SETDB2: variants seen among roughly 807,000 people sequenced by gnomAD.
SETDB2 encodes the protein histone-lysine N-methyltransferase SETDB2.
A neutral mutation model predicts 82.5 loss-of-function variants in SETDB2; 56 were observed. That is an observed-to-expected ratio of 0.68 (90% confidence interval 0.55 to 0.85). SETDB2 has a LOEUF of 0.85. SETDB2 is among the 40% of genes least tolerant of loss of function. The pLI, the probability that SETDB2 is intolerant of heterozygous loss-of-function variation, is 0.00. For synonymous variants in SETDB2, 272 were observed against 284.9 expected (o/e 0.95, Z 0.46); for missense variants, 677 against 816.4 (o/e 0.83, Z 2.08).
intron 5 of SETDB2, among the ~76,000 whole-genome samples, chr13:49,476,223 C>A (rs866873039): frequency 6.6e-6 from 1 of 152,138 alleles, no homozygotes; most frequent in Non-Finnish European, 1.5e-5. Flanking sequence ...GAGTTCAAGG[C>A]TGCTCTGTGC....
intron 2 of SETDB2, among the ~76,000 whole-genome samples, chr13:49,452,418 A>G (rs184054534): frequency 1.2e-4 from 18 of 152,276 alleles, no homozygotes; most frequent in Admixed American, 7.8e-4. Context: ...TAGGTGAGCC[A>G]CTGCACCTGG....
At chr13:49,457,578 C>T (rs551453212) in intron 2 of SETDB2, among the ~76,000 whole-genome samples, 6 of 151,986 alleles carry the variant, frequency 3.9e-5, no homozygotes, top group African/African-American at 7.2e-5. Context: ...GGACCACATG[C>T]GTGTGCCACC....
intron 10 of SETDB2, among the ~76,000 whole-genome samples, chr13:49,484,555 C>T (rs934889246): frequency 6.6e-5 from 10 of 152,162 alleles, no homozygotes; most frequent in African/African-American, 2.4e-4. Flanking sequence ...GAGGCGTGAG[C>T]CACTGCGCCT....
At chr13:49,482,013 G>A in intron 8 of SETDB2, 1 of 973,342 alleles carries the variant, frequency 1.0e-6, no homozygotes, top group East Asian at 1.1e-4. Context: ...ATGGATCCCT[G>A]CCACTCCCCA....
chr13:49,450,013 G>T (rs1340159744), intron 1 of SETDB2, among the ~76,000 whole-genome samples: 1 of 152,052 alleles, frequency 6.6e-6, no homozygotes. Context: ...TACTGACTTT[G>T]CTTTAACATT....
At chr13:49,485,281 T>C (rs1188197602) in intron 10 of SETDB2, among the ~76,000 whole-genome samples, 1 of 152,242 alleles carries the variant, frequency 6.6e-6, no homozygotes, top group Non-Finnish European at 1.5e-5. Context: ...TTACACAACT[T>C]ACAGTTGAAG....
In SETDB2 at chr13:49,470,966, C is replaced by CTTTCTTTCT. The variant is rs10695231; in HGVS notation, c.305+3009_305+3010insCTTTCTTTT. On this transcript the variant is annotated intron_variant, in intron 5 of 13. Coordinates refer to ENST00000611815, the MANE Select transcript of SETDB2 (RefSeq NM_001160308.3). ...GTTTTTTTGTTTTCTTTCTTTCTTTCTTTTTTTTTTTTTTTTTTGAGACAG... is the reference window on the plus strand; with the variant it reads ...GTTTTTTTGTTTTCTTTCTTTCTTTCTTTCTTTCTTTTTTTTTTTTTTTTTTTGAGACAG... Among the ~76,000 whole-genome samples the CTTTCTTTCT allele has an allele frequency of 5.2e-3, 421 of 80,484 alleles. 1 individual carries two copies. Among genetic ancestry groups the CTTTCTTTCT allele is most frequent in the Non-Finnish European group, 6.4e-3 (302 of 47,138 alleles). The allele number at this position is 80,484 out of a possible 152,430, so 52.8% of individuals were successfully genotyped here. A position where few individuals can be genotyped will look rare whatever the true frequency, so the allele number is the denominator to read the frequency against.
chr13:49,446,727 T>C (rs1398789455), intron 1 of SETDB2, among the ~76,000 whole-genome samples: 1 of 152,218 alleles, frequency 6.6e-6, no homozygotes, highest in African/African-American at 2.4e-5. Context: ...ATTGGTCTTG[T>C]TGTTAAATCC....
chr13:49,455,211 G>A (rs1957861373), intron 2 of SETDB2, among the ~76,000 whole-genome samples: 1 of 152,100 alleles, frequency 6.6e-6, no homozygotes, highest in Admixed American at 6.5e-5. Flanking sequence ...TAAAAGACAA[G>A]CTTCACACAG....
Position 49,493,307 on chromosome 13 carries a change from G to A in SETDB2, c.*1458G>A, listed in dbSNP as rs7326345. ...TGGGGGAAAAAAGCTTGATCAGTAT[G>A]GGAACCATTTTTGTGCAAAAGGGAA... On this transcript the variant is annotated 3_prime_UTR_variant, in exon 14 of 14. Coordinates refer to ENST00000611815, the MANE Select transcript of SETDB2 (RefSeq NM_001160308.3). 0.52 allele frequency: 78,715 copies of A among 151,768 alleles called. 20,490 individuals are homozygous for A. The highest frequency in any genetic ancestry group is 0.58 in the Middle Eastern group (169 of 292). 9.4% of individuals were successfully genotyped at this position (151,768 alleles called of 1,614,324 possible).
intron 4 of SETDB2, among the ~76,000 whole-genome samples, chr13:49,462,114 C>G (rs543823520): frequency 5.9e-5 from 9 of 152,258 alleles, no homozygotes; most frequent in African/African-American, 1.9e-4. Context: ...CTCTCTGAAC[C>G]CTGTTGTTCA....
intron 3 of SETDB2, 104 bp downstream of exon 3, chr13:49,460,336 A>AT: frequency 8.4e-7 from 1 of 1,195,640 alleles, no homozygotes; most frequent in Non-Finnish European, 1.1e-6. Flanking sequence ...AAGTAGATGG[A>AT]TGTAATTACT....
At chr13:49,474,317 C>T (rs1958310780) in intron 5 of SETDB2, among the ~76,000 whole-genome samples, 1 of 152,096 alleles carries the variant, frequency 6.6e-6, no homozygotes, top group Admixed American at 6.6e-5. Flanking sequence ...ACCTGTTAGA[C>T]TCTGAAATCC....
At chr13:49,479,041 T>C (rs1416883367) in intron 6 of SETDB2, among the ~76,000 whole-genome samples, 9 of 152,210 alleles carry the variant, frequency 5.9e-5, no homozygotes, top group Non-Finnish European at 1.3e-4. Context: ...AAACATTATA[T>C]TGAACAACAA....
intron 11 of SETDB2, among the ~76,000 whole-genome samples, chr13:49,487,202 T>C (rs545781091): frequency 2.0e-5 from 3 of 152,330 alleles, no homozygotes; most frequent in African/African-American, 7.2e-5. Flanking sequence ...ACAACAGTGA[T>C]GATTAAATCA....
chr13:49,466,925 G>A (rs546338326), intron 4 of SETDB2, among the ~76,000 whole-genome samples: 6 of 150,858 alleles, frequency 4.0e-5, no homozygotes, highest in Middle Eastern at 3.2e-3. Context: ...CAAAGTGATG[G>A]GATTACAGGG....
chr13:49,446,476 TAC>T lies in SETDB2; in HGVS notation c.-342+1622_-342+1623del, dbSNP rs745816553. 137 of 441,114 alleles carry T rather than the reference TAC, an allele frequency of 3.1e-4. 2 individuals are homozygous for T. The highest frequency in any genetic ancestry group is 4.9e-4 in the Non-Finnish European group (109 of 222,600). The allele number at this position is 441,114 out of a possible 1,614,324, so 27.3% of individuals were successfully genotyped here. A position where few individuals can be genotyped will look rare whatever the true frequency, so the allele number is the denominator to read the frequency against. On this transcript the variant is annotated intron_variant, in intron 1 of 13. Coordinates refer to ENST00000611815, the MANE Select transcript of SETDB2 (RefSeq NM_001160308.3). Reference sequence around the variant, plus strand: ...GAGCTTTCAAGTGTTTTTTAATACTTACACCTTTTAATACTGTTACATATTCT... The same window carrying T: ...GAGCTTTCAAGTGTTTTTTAATACTTACCTTTTAATACTGTTACATATTCT...
chr13:49,478,372 T>C (rs1462384800), intron 6 of SETDB2, among the ~76,000 whole-genome samples: 2 of 152,174 alleles, frequency 1.3e-5, no homozygotes, highest in Admixed American at 1.3e-4. Flanking sequence ...GGGCCTGGAA[T>C]TGTATTAATG....
intron 10 of SETDB2, among the ~76,000 whole-genome samples, chr13:49,484,970 G>C (rs1958566209): frequency 6.6e-6 from 1 of 152,186 alleles, no homozygotes; most frequent in South Asian, 2.1e-4. Flanking sequence ...CTGTAAAAAG[G>C]TAATAGTATA....
Sources: allele counts gnomAD v4.1 joint callset (sites outside exome capture counted in the v4.1 genomes callset), GRCh38; gene constraint gnomAD v4.1.1; transcripts MANE v1.5; gene names NCBI Gene and HGNC (gene_info 2026-07-23, HGNC 2026-07-21).